Variants in CCDC7 observed in about 807,000 individuals in gnomAD.
The protein encoded by CCDC7 is coiled-coil domain-containing protein 7.
Under a neutral mutation model 196.9 loss-of-function variants are expected in CCDC7, and 183 were observed. The observed-to-expected ratio is 0.93, with a 90% CI of 0.82 to 1.05. The LOEUF is 1.05. CCDC7 is among the 50% of genes least tolerant of loss of function. The probability of loss-of-function intolerance (pLI) is 0.00; values close to 1 mark genes in which losing one functional copy is unlikely to be tolerated. For missense variants in CCDC7, 1,540 were observed against 1,482.2 expected, an observed-to-expected ratio of 1.04 and a Z score of -0.64; for synonymous variants, 525 against 484.6, an observed-to-expected ratio of 1.08 and a Z score of -1.10.
chr10:32,559,528 T>G (rs2136567621), intron 13 of CCDC7, among the ~76,000 whole-genome samples: 1 of 152,344 alleles, frequency 6.6e-6, no homozygotes, highest in South Asian at 2.1e-4. Flanking sequence ...AAATCCGCTG[T>G]TGTGCAGCCA....
intron 31 of CCDC7, among the ~76,000 whole-genome samples, chr10:32,819,476 T>A (rs189432296): frequency 2.0e-5 from 3 of 152,294 alleles, no homozygotes; most frequent in African/African-American, 7.2e-5. Context: ...GAGGTCAGCA[T>A]CATCCTGATA....
chr10:32,864,508 A>G (rs940503612), intron 41 of CCDC7, among the ~76,000 whole-genome samples: 1 of 151,420 alleles, frequency 6.6e-6, no homozygotes, highest in Non-Finnish European at 1.5e-5. Context: ...ATACACACAC[A>G]TATATATTAC....
At chr10:32,763,411 A>T (rs2077760213) in intron 28 of CCDC7, among the ~76,000 whole-genome samples, 1 of 152,054 alleles carries the variant, frequency 6.6e-6, no homozygotes, top group Middle Eastern at 3.4e-3. Context: ...CAGGTGGTGA[A>T]AAACAATAGG....
chr10:32,861,357 C>G (rs917633582), intron 41 of CCDC7, among the ~76,000 whole-genome samples: 3 of 149,986 alleles, frequency 2.0e-5, no homozygotes, highest in Admixed American at 2.0e-4. Flanking sequence ...GTTGGGAAAA[C>G]TGGCTAGTCA....
chr10:32,617,960 G>A (rs1460463967), intron 18 of CCDC7, among the ~76,000 whole-genome samples: 1 of 151,868 alleles, frequency 6.6e-6, no homozygotes. Context: ...ATCCTTTGCT[G>A]AATTGATCTC....
chr10:32,636,599 G>A (rs1312197282), intron 20 of CCDC7, among the ~76,000 whole-genome samples: 1 of 152,160 alleles, frequency 6.6e-6, no homozygotes, highest in East Asian at 1.9e-4. Context: ...TGATGTATAT[G>A]TGCCACATTT....
intron 35 of CCDC7, 39 bp from the exon 37 acceptor site, chr10:32,845,837 A>G (rs2093264648): frequency 6.8e-7 from 1 of 1,471,744 alleles, no homozygotes; most frequent in Admixed American, 1.7e-5. Flanking sequence ...GGTAATGTTT[A>G]CCTTATAAAA....
intron 20 of CCDC7, among the ~76,000 whole-genome samples, chr10:32,662,156 C>T (rs535114983): frequency 5.9e-5 from 9 of 152,280 alleles, no homozygotes; most frequent in African/African-American, 2.2e-4. Flanking sequence ...TGCAAAGTCT[C>T]ACAATCACTG....
chr10:32,644,805 C>T (rs1161931599), intron 20 of CCDC7, among the ~76,000 whole-genome samples: 1 of 152,208 alleles, frequency 6.6e-6, no homozygotes, highest in African/African-American at 2.4e-5. Flanking sequence ...GTAAGGCCTC[C>T]CCAGTCACCT....
chr10:32,836,619 T>C (rs983635233), intron 33 of CCDC7, among the ~76,000 whole-genome samples: 5 of 152,198 alleles, frequency 3.3e-5, no homozygotes, highest in African/African-American at 1.2e-4. Flanking sequence ...TGATTTGCAT[T>C]TCTCTAATGG....
intron 28 of CCDC7, among the ~76,000 whole-genome samples, chr10:32,746,127 A>G (rs1448932859): frequency 6.6e-6 from 1 of 152,084 alleles, no homozygotes; most frequent in African/African-American, 2.4e-5. Context: ...AAGAAGACGG[A>G]CACACTCTGA....
chr10:32,754,435 TTAA>T (rs2076105694), intron 28 of CCDC7, among the ~76,000 whole-genome samples: 1 of 152,188 alleles, frequency 6.6e-6, no homozygotes, highest in Non-Finnish European at 1.5e-5. Flanking sequence ...TGAAAGACTC[TTAA>T]AAGTAATGGG....
chr10:32,711,704 A>G lies in CCDC7; in HGVS notation c.2543A>G (p.Glu848Gly), dbSNP rs772084713. The G allele has an allele frequency of 3.2e-6, 5 of 1,584,272 alleles. No individual in the cohort carries two copies. In the African/African-American group the frequency reaches 5.4e-5, roughly 17 times the overall value. ...ATCCAAGTGCAATTAGAGATTCAAGAAACTTCTGAAGGAGAAGGACGTAGC... is the reference window on the plus strand; with the variant it reads ...ATCCAAGTGCAATTAGAGATTCAAGGAACTTCTGAAGGAGAAGGACGTAGC... The change falls in exon 25 of 42, where the codon GAA (glutamate) becomes GGA (glycine). Residue 848 changes from glutamate (E) to glycine (G), a missense_variant. By Grantham distance (98) the Glu-to-Gly change is moderately conservative. Coordinates refer to ENST00000639629, the Ensembl canonical transcript of CCDC7.
intron 28 of CCDC7, among the ~76,000 whole-genome samples, chr10:32,772,885 C>T (rs922217641): frequency 6.6e-6 from 1 of 152,170 alleles, no homozygotes; most frequent in Non-Finnish European, 1.5e-5. Flanking sequence ...TCACCTGACT[C>T]GCAGTGTAGG....
chr10:32,676,895 A>G (rs1591481895), intron 21 of CCDC7, among the ~76,000 whole-genome samples: 1 of 152,206 alleles, frequency 6.6e-6, no homozygotes, highest in African/African-American at 2.4e-5. Context: ...TCTGTAAATC[A>G]TGCTGCTATA....
At chr10:32,524,511 A>G (rs907259827) in intron 11 of CCDC7, among the ~76,000 whole-genome samples, 31 of 152,180 alleles carry the variant, frequency 2.0e-4, no homozygotes, top group African/African-American at 6.5e-4. Context: ...GCTCGCTAAC[A>G]TCCTTTCCTT....
chr10:32,823,928 C>T (rs952429257), intron 31 of CCDC7, among the ~76,000 whole-genome samples: 1 of 152,088 alleles, frequency 6.6e-6, no homozygotes, highest in East Asian at 1.9e-4. Context: ...ACATTACATG[C>T]GTTATTTATT....
intron 11 of CCDC7, among the ~76,000 whole-genome samples, chr10:32,521,906 A>C (rs750427728): frequency 8.5e-5 from 13 of 152,178 alleles, no homozygotes; most frequent in Non-Finnish European, 1.5e-4. Flanking sequence ...GATTTTTATC[A>C]TGAAGGGATG....
At chr10:32,685,880 C>T in intron 21 of CCDC7, 90 bp from the exon 23 acceptor site, 1 of 699,080 alleles carries the variant, frequency 1.4e-6, no homozygotes, top group South Asian at 1.9e-5. Flanking sequence ...TGAGAATGCT[C>T]ATGTAAATGT....
Sources: gnomAD v4.1 joint callset for allele counts (sites outside exome capture counted in the v4.1 genomes callset) on GRCh38, gnomAD v4.1.1 for gene constraint, MANE v1.5 for transcripts, NCBI Gene and HGNC (gene_info 2026-07-23, HGNC 2026-07-21) for gene names.